Variants in LOC400499 observed in about 807,000 individuals in gnomAD.
chr16:11,397,356 C>T, the LOC400499 span, among the ~76,000 whole-genome samples: 8 of 152,202 alleles, frequency 5.3e-5, no homozygotes, highest in Non-Finnish European at 8.8e-5. Flanking sequence ...TCACTGCAAC[C>T]TCCGCCTCCC....
the LOC400499 span, among the ~76,000 whole-genome samples, chr16:11,427,454 A>T: frequency 1.3e-5 from 2 of 148,536 alleles, no homozygotes; most frequent in African/African-American, 4.9e-5. Context: ...TAATTTGATT[A>T]TTTTTTTTGA....
At chr16:11,465,023 C>T in the LOC400499 span, among the ~76,000 whole-genome samples, 5 of 152,200 alleles carry the variant, frequency 3.3e-5, no homozygotes, top group African/African-American at 1.2e-4. Flanking sequence ...ATTTTTGCAG[C>T]AAGACATCCA....
the LOC400499 span, among the ~76,000 whole-genome samples, chr16:11,382,951 G>A: frequency 6.6e-6 from 1 of 150,698 alleles, no homozygotes; most frequent in Non-Finnish European, 1.5e-5. Flanking sequence ...TGAGATAATT[G>A]GCTCACAGTT....
chr16:11,503,060 T>C, the LOC400499 span, among the ~76,000 whole-genome samples: 2 of 151,668 alleles, frequency 1.3e-5, no homozygotes, highest in Non-Finnish European at 2.9e-5. Flanking sequence ...TAGCTGGGAA[T>C]ACTGGTGTGC....
the LOC400499 span, among the ~76,000 whole-genome samples, chr16:11,378,803 C>G: frequency 5.9e-5 from 9 of 152,280 alleles, no homozygotes; most frequent in South Asian, 1.7e-3. Flanking sequence ...GCTTTGAAGC[C>G]TAACATACAA....
the LOC400499 span, among the ~76,000 whole-genome samples, chr16:11,485,489 G>A: frequency 6.6e-6 from 1 of 152,034 alleles, no homozygotes; most frequent in African/African-American, 2.4e-5. Context: ...CCCCTGGATG[G>A]GGGGGAGGGT....
At chr16:11,416,722 G>T in the LOC400499 span, among the ~76,000 whole-genome samples, 842 of 152,268 alleles carry the variant, frequency 5.5e-3, 7 homozygotes, top group African/African-American at 0.019. Context: ...GATGCCATTG[G>T]AAAAATACCT....
At chr16:11,395,222 A>G in the LOC400499 span, among the ~76,000 whole-genome samples, 1 of 151,896 alleles carries the variant, frequency 6.6e-6, no homozygotes, top group South Asian at 2.1e-4. Context: ...TGAATGCCTG[A>G]CCTCCCTGAA....
the LOC400499 span, among the ~76,000 whole-genome samples, chr16:11,375,963 G>A: frequency 8.6e-5 from 13 of 151,970 alleles, no homozygotes; most frequent in Non-Finnish European, 1.5e-4. Flanking sequence ...GGTCTCGAAC[G>A]CCTGACCTCA....
At chr16:11,509,658 T>G in the LOC400499 span, among the ~76,000 whole-genome samples, 1 of 151,594 alleles carries the variant, frequency 6.6e-6, no homozygotes, top group Non-Finnish European at 1.5e-5. Context: ...TGGTGAAACC[T>G]GTCTCTATTA....
chr16:11,400,939 C>T, the LOC400499 span, among the ~76,000 whole-genome samples: 1 of 152,154 alleles, frequency 6.6e-6, no homozygotes, highest in South Asian at 2.1e-4. Context: ...AGCCCAGCTG[C>T]CTCACTCAGT....
the LOC400499 span, chr16:11,392,547 C>T: frequency 1.0e-5 from 4 of 399,558 alleles, no homozygotes; most frequent in South Asian, 1.3e-4. Flanking sequence ...ATGTCTCTGG[C>T]TGCCCACTCC....
At chr16:11,403,384 G>A in the LOC400499 span, among the ~76,000 whole-genome samples, 1 of 152,204 alleles carries the variant, frequency 6.6e-6, no homozygotes, top group Non-Finnish European at 1.5e-5. Flanking sequence ...GCTGCAGACT[G>A]TGTAGCTCAC....
chr16:11,457,131 G>C, the LOC400499 span: 2 of 1,249,644 alleles, frequency 1.6e-6, no homozygotes, highest in Admixed American at 2.6e-5. Context: ...AGCGAGCCAA[G>C]ATTGCACTAC....
At chr16:11,458,742 A>C in the LOC400499 span, among the ~76,000 whole-genome samples, 3 of 152,130 alleles carry the variant, frequency 2.0e-5, no homozygotes, top group Non-Finnish European at 4.4e-5. Flanking sequence ...AAATGGTTAA[A>C]ATAGTAAATA....
chr16:11,401,614 G>A, the LOC400499 span, among the ~76,000 whole-genome samples: 1 of 152,246 alleles, frequency 6.6e-6, no homozygotes, highest in South Asian at 2.1e-4. Flanking sequence ...AGCAGATGGA[G>A]CGAACACAGG....
At chr16:11,429,598 TGA>T in the LOC400499 span, among the ~76,000 whole-genome samples, 1 of 152,136 alleles carries the variant, frequency 6.6e-6, no homozygotes, top group African/African-American at 2.4e-5. Flanking sequence ...CTCAGCCTCC[TGA>T]GTAGCTGGGA....
At chr16:11,416,841 T>C in the LOC400499 span, among the ~76,000 whole-genome samples, 8 of 151,854 alleles carry the variant, frequency 5.3e-5, no homozygotes, top group Non-Finnish European at 4.4e-5. Context: ...TGTTGAAGAA[T>C]AGCAAGGAGT....
At chr16:11,428,117 A>G in the LOC400499 span, among the ~76,000 whole-genome samples, 1 of 152,164 alleles carries the variant, frequency 6.6e-6, no homozygotes, top group Non-Finnish European at 1.5e-5. Context: ...GCCCATTATT[A>G]TGGTTATTTC....
Sources: gnomAD v4.1 joint callset for allele counts (sites outside exome capture counted in the v4.1 genomes callset) on GRCh38, gnomAD v4.1.1 for gene constraint, MANE v1.5 for transcripts.